The following MZF1 variants were observed in gnomAD, a reference collection of about 807,000 sequenced individuals.
MZF1 encodes zinc finger and SCAN domain-containing protein 6.
In MZF1, 24 loss-of-function variants were observed where a neutral mutation model predicts 28.6. The observed-to-expected ratio is 0.84, with a 90% CI of 0.61 to 1.18. The LOEUF (loss-of-function observed/expected upper bound fraction) is 1.18, where lower values mean the gene tolerates loss of function less well. Among genes scored for constraint, MZF1 ranks in the 50% most tolerant of loss-of-function variants. The probability of loss-of-function intolerance (pLI) is 0.00; values close to 1 mark genes in which losing one functional copy is unlikely to be tolerated. For synonymous variants in MZF1, 516 were observed against 432.5 expected (o/e 1.19, Z -2.40); for missense variants, 1,166 against 1,026.4 (o/e 1.14, Z -1.86).
In MZF1 at chr19:58,563,200, A is replaced by G. The variant is rs376187338; in HGVS notation, c.1077T>C (p.Asp359=). ...GGGVVRGGRC[D]VCGKVFSQRS... is the part of the protein sequence containing the mutation. ...GTTGGCTGAACACCTTGCCACATAC[A>G]TCGCAACGGCCGCCCCTAACCACCC... Residue 359 remains aspartate, a synonymous_variant, in exon 6 of 6, where the codon GAT becomes GAC. Coordinates refer to ENST00000215057, the MANE Select transcript of MZF1 (RefSeq NM_198055.2). 35 of 1,611,196 alleles carry G rather than the reference A, an allele frequency of 2.2e-5. No homozygotes were observed. Among genetic ancestry groups the G allele is most frequent in the Non-Finnish European group, 2.8e-5 (33 of 1,179,562 alleles).
intron 1 of MZF1, chr19:58,572,638 C>T: frequency 5.4e-6 from 7 of 1,289,216 alleles, no homozygotes; most frequent in Non-Finnish European, 7.1e-6. Context: ...ATCATTCCCC[C>T]GTGGGTGGCA....
chr19:58,570,210 T>G (rs1416479604), intron 3 of MZF1, 134 bp downstream of exon 3: 3 of 957,030 alleles, frequency 3.1e-6, no homozygotes, highest in Non-Finnish European at 4.6e-6. Context: ...GGGTAGAATG[T>G]GGGGGCTGCT....
intron 5 of MZF1, among the ~76,000 whole-genome samples, chr19:58,566,676 TAA>T (rs1258930429): frequency 6.6e-6 from 1 of 151,964 alleles, no homozygotes; most frequent in African/African-American, 2.4e-5. Flanking sequence ...GATGAAGACA[TAA>T]AAAGACCTCT....
chr19:58,569,097 C>CT (rs1568683876), intron 5 of MZF1, 180 bp downstream of exon 5: 10 of 785,346 alleles, frequency 1.3e-5, no homozygotes, highest in Non-Finnish European at 1.7e-5. Context: ...TGGTGGGTGG[C>CT]TTTTTTTGAG....
At position 58,563,047 on chromosome 19, in the gene MZF1, C is replaced by G. The variant is rs773637151; in HGVS notation, c.1230G>C (p.Arg410=). Residue 410 remains arginine (R), a synonymous_variant, in exon 6 of 6, where the codon CGG becomes CGC. Coordinates refer to ENST00000215057, the MANE Select transcript of MZF1 (RefSeq NM_198055.2). ...LRHQLTHTEE[R]PFVCGDCGQG... is the part of the protein sequence containing the mutation. ...GGCCACAGTCGCCGCACACGAACGG[C>G]CGCTCCTCGGTGTGCGTAAGCTGGT... The G allele has an allele frequency of 7.5e-6, 12 of 1,602,472 alleles. No individual in the cohort carries two copies. The highest frequency in any genetic ancestry group is 7.6e-6 in the Non-Finnish European group (9 of 1,179,550).
intron 2 of MZF1, 138 bp downstream of exon 2, chr19:58,570,856 G>A: frequency 2.1e-6 from 2 of 966,320 alleles, no homozygotes; most frequent in Middle Eastern, 2.2e-4. Flanking sequence ...GGGCAGCCTT[G>A]CACAGGGTCT....
rs1209774435 is a variant in MZF1 at position 58,570,999 on chromosome 19, T to G, written c.391A>C (p.Arg131=). ...GLRREPGGPR[R]WVTVQVQGQE... Reference sequence around the variant, plus strand: ...ACTCGTGGACACTCACTCACCCATCTCCGGGGTCCGCCCGGCTCCCGGCGC... The same window carrying G: ...ACTCGTGGACACTCACTCACCCATCGCCGGGGTCCGCCCGGCTCCCGGCGC... Residue 131 remains arginine (R), a synonymous_variant, in exon 2 of 6, where the codon AGA becomes CGA. Coordinates refer to ENST00000215057, the MANE Select transcript of MZF1 (RefSeq NM_198055.2). 3 of 1,604,484 alleles carry G rather than the reference T, an allele frequency of 1.9e-6. No individual in the cohort carries two copies. The South Asian group carries it at 3.3e-5, about 18-fold the overall frequency.
chr19:58,562,882 G>T lies in MZF1; in HGVS notation c.1395C>A (p.Pro465=). The part of the protein sequence containing the change: ...LLQHQRIHGD[P]PGPGAKPPAP... The stretch of plus-strand genomic sequence containing the variant: ...CCGGGGGCTTAGCGCCAGGGCCCGG[G>T]GGATCGCCGTGGATGCGCTGGTGCT... The change falls in exon 6 of 6, where the codon CCC becomes CCA. Residue 465 remains proline, a synonymous_variant. Coordinates refer to ENST00000215057, the MANE Select transcript of MZF1 (RefSeq NM_198055.2). 6.4e-7 allele frequency: 1 copy of T among 1,554,680 alleles called. No individual in the cohort carries two copies. Among genetic ancestry groups the T allele is most frequent in the East Asian group, 2.3e-5 (1 of 42,580 alleles).
chr19:58,567,096 CAG>C (rs1323990208), intron 5 of MZF1, among the ~76,000 whole-genome samples: 2 of 152,128 alleles, frequency 1.3e-5, no homozygotes, highest in Admixed American at 6.6e-5. Context: ...TTAGTAGAGA[CAG>C]GGTTTTGCCA....
At chr19:58,570,303 C>T (rs767294245) in intron 3 of MZF1, 41 bp downstream of exon 3, 43 of 1,548,048 alleles carry the variant, frequency 2.8e-5, no homozygotes, top group Non-Finnish European at 3.6e-5. Context: ...CCCTGGCCCA[C>T]CCAACCAGAC....
intron 5 of MZF1, among the ~76,000 whole-genome samples, chr19:58,565,373 C>T (rs1043110566): frequency 2.0e-5 from 3 of 146,798 alleles, no homozygotes; most frequent in African/African-American, 8.2e-5. Flanking sequence ...GGATTGCAGG[C>T]GTGAGCCACC....
intron 5 of MZF1, chr19:58,564,612 T>C (rs1303004844): frequency 6.6e-6 from 1 of 152,280 alleles, no homozygotes; most frequent in East Asian, 1.9e-4. Context: ...TCCTATGTAT[T>C]GCTGGTAAGC....
chr19:58,571,123 C>T lies in MZF1; in HGVS notation c.267G>A (p.Leu89=). ...GGGGCAGTGCGCCCAGGAACTGCTC[C>T]AGCACCAACAGCTCCAGCATCTGCT... is the stretch of plus-strand genomic sequence containing the variant. ...SKEQMLELLV[L]EQFLGALPPE... The change falls in exon 2 of 6, where the codon CTG becomes CTA. Residue 89 remains leucine (L), a synonymous_variant. Transcript: ENST00000215057. 6.2e-7 allele frequency: 1 copy of T among 1,614,064 alleles called. No homozygotes were observed. Among genetic ancestry groups the T allele is most frequent in the Non-Finnish European group, 8.5e-7 (1 of 1,180,024 alleles).
chr19:58,570,280 C>A, intron 3 of MZF1, 64 bp downstream of exon 3: 1 of 1,503,936 alleles, frequency 6.6e-7, no homozygotes, highest in Non-Finnish European at 8.9e-7. Flanking sequence ...AGACTGACTG[C>A]TCAGGCCAGG....
chr19:58,562,965 G>C lies in MZF1; in HGVS notation c.1312C>G (p.Gln438Glu). The C allele has an allele frequency of 3.7e-6, 6 of 1,600,860 alleles. No homozygotes were observed. Among genetic ancestry groups the C allele is most frequent in the Non-Finnish European group, 5.1e-6 (6 of 1,178,974 alleles). The change falls in exon 6 of 6, where the codon CAG (glutamine) becomes GAG (glutamate). Residue 438 changes from glutamine to glutamate, a missense_variant. Coordinates refer to ENST00000215057, the MANE Select transcript of MZF1 (RefSeq NM_198055.2). ...CCGCACTCAGCGCAACGGAAAGGCT[G>C]TTCGCCCGTGTGCACTCTCCGATGC... ...EEHRRVHTGE[Q>E]PFRCAECGQS...
intron 5 of MZF1, among the ~76,000 whole-genome samples, chr19:58,565,945 C>G (rs2054046813): frequency 6.8e-6 from 1 of 147,252 alleles, no homozygotes; most frequent in Non-Finnish European, 1.5e-5. Flanking sequence ...TCGAGACCAT[C>G]CTGGCTAACA....
chr19:58,571,481 C>T, intron 1 of MZF1, 52 bp from the exon 2 acceptor site: 1 of 1,485,520 alleles, frequency 6.7e-7, no homozygotes, highest in Non-Finnish European at 9.2e-7. Flanking sequence ...GTGAATGCTT[C>T]ACTGCCTAGT....
At chr19:58,569,210 G>A in intron 5 of MZF1, 67 bp downstream of exon 5, 1 of 1,504,854 alleles carries the variant, frequency 6.6e-7, no homozygotes, top group East Asian at 2.3e-5. Flanking sequence ...AGGGCCAGGA[G>A]TGGGGTCGGC....
chr19:58,565,689 C>T lies in MZF1; in HGVS notation c.773-2185G>A, dbSNP rs1568681252. On this transcript the variant is annotated intron_variant, in intron 5 of 5. Transcript: ENST00000215057. Reference sequence around the variant, plus strand: ...ATGGGACTACAGGCGCCCGCCACCACGCCTGACTAATATTTTGTATTTTTA... The same window carrying T: ...ATGGGACTACAGGCGCCCGCCACCATGCCTGACTAATATTTTGTATTTTTA... 3.3e-5 allele frequency among the ~76,000 whole-genome samples: 5 copies of T among 151,584 alleles called. 1 individual carries two copies. The highest frequency in any genetic ancestry group is 4.2e-4 in the South Asian group (2 of 4,806).
Sources: allele counts gnomAD v4.1 joint callset (sites outside exome capture counted in the v4.1 genomes callset), GRCh38; gene constraint gnomAD v4.1.1; transcripts MANE v1.5; gene names NCBI Gene and HGNC (gene_info 2026-07-23, HGNC 2026-07-21).